DHRSX: variants seen among roughly 807,000 people sequenced by gnomAD.
The protein encoded by DHRSX is dehydrogenase/reductase X-linked.
In DHRSX, 31 loss-of-function variants were observed where a neutral mutation model predicts 34.0. That is an observed-to-expected ratio of 0.91 (90% CI 0.69 to 1.23). The LOEUF (loss-of-function observed/expected upper bound fraction) is 1.23. Among genes scored for constraint, DHRSX ranks in the 50% most tolerant of loss-of-function variants. The pLI, the probability that DHRSX is intolerant of heterozygous loss-of-function variation, is 0.00. For missense variants in DHRSX, 414 were observed against 428.1 expected, an observed-to-expected ratio of 0.97 and a Z score of 0.29; for synonymous variants, 201 against 183.8, an observed-to-expected ratio of 1.09 and a Z score of -0.76.
At chrX:2,443,687 T>G (rs2044090735) in intron 1 of DHRSX, among the ~76,000 whole-genome samples, 2 of 151,744 alleles carry the variant, frequency 1.3e-5, no homozygotes. Context: ...GAATAACTCG[T>G]GTGAGAGAAG....
At chrX:2,343,367 C>T (rs2042663588) in intron 3 of DHRSX, among the ~76,000 whole-genome samples, 1 of 151,466 alleles carries the variant, frequency 6.6e-6, no homozygotes, top group Admixed American at 6.6e-5. Flanking sequence ...GTAGAGCACG[C>T]TTGACATAAG....
At chrX:2,444,634 G>A (rs1450892827) in intron 1 of DHRSX, among the ~76,000 whole-genome samples, 1 of 151,970 alleles carries the variant, frequency 6.6e-6, no homozygotes, top group African/African-American at 2.4e-5. Context: ...AGTTCCAGAC[G>A]AACCTGGGAA....
chrX:2,353,137 C>G (rs928761512), intron 3 of DHRSX, among the ~76,000 whole-genome samples: 1 of 152,032 alleles, frequency 6.6e-6, no homozygotes, highest in African/African-American at 2.4e-5. Flanking sequence ...CGTAGCTACT[C>G]GAGAGACTGA....
intron 1 of DHRSX, among the ~76,000 whole-genome samples, chrX:2,461,686 C>T (rs1009689519): frequency 3.3e-5 from 5 of 152,136 alleles, no homozygotes; most frequent in African/African-American, 9.7e-5. Context: ...TGACCACACA[C>T]GCGTGGCACC....
chrX:2,394,070 C>T (rs1471787277), intron 3 of DHRSX, among the ~76,000 whole-genome samples: 1 of 152,186 alleles, frequency 6.6e-6, no homozygotes, highest in African/African-American at 2.4e-5. Flanking sequence ...AGAAGCTTGG[C>T]TGTGGGCAAG....
chrX:2,327,317 A>C (rs1270439074), intron 3 of DHRSX, among the ~76,000 whole-genome samples: 1 of 152,184 alleles, frequency 6.6e-6, no homozygotes, highest in Non-Finnish European at 1.5e-5. Context: ...GACTGTGGAC[A>C]TGCTCTCTGT....
intron 3 of DHRSX, among the ~76,000 whole-genome samples, chrX:2,312,057 G>C (rs1171196058): frequency 6.6e-6 from 1 of 151,962 alleles, no homozygotes; most frequent in Non-Finnish European, 1.5e-5. Context: ...CACCCATGCT[G>C]CAAGCACTGT....
intron 1 of DHRSX, among the ~76,000 whole-genome samples, chrX:2,460,949 T>C (rs1406529182): frequency 1.3e-5 from 2 of 151,930 alleles, no homozygotes; most frequent in African/African-American, 4.8e-5. Context: ...AAACTCCTGG[T>C]CTCAAAAATC....
intron 3 of DHRSX, among the ~76,000 whole-genome samples, chrX:2,382,268 C>A (rs1436533827): frequency 2.6e-5 from 4 of 152,092 alleles, no homozygotes; most frequent in African/African-American, 9.7e-5. Context: ...GGAAGGAGGG[C>A]AGAGTTGAGG....
intron 3 of DHRSX, among the ~76,000 whole-genome samples, chrX:2,327,249 C>T (rs1458227719): frequency 7.9e-5 from 12 of 152,222 alleles, no homozygotes; most frequent in Non-Finnish European, 1.6e-4. Context: ...GAAGAAGAGT[C>T]TCCCTGAATG....
chrX:2,254,020 C>T (rs2016503396), intron 5 of DHRSX, among the ~76,000 whole-genome samples: 1 of 151,404 alleles, frequency 6.6e-6, no homozygotes, highest in South Asian at 2.1e-4. Flanking sequence ...GAGATCACAC[C>T]CTGCACTCCA....
intron 3 of DHRSX, among the ~76,000 whole-genome samples, chrX:2,331,695 C>G (rs1210642811): frequency 6.6e-6 from 1 of 152,006 alleles, no homozygotes; most frequent in African/African-American, 2.4e-5. Context: ...GGTGATCCAC[C>G]TGCCTTGGCC....
At chrX:2,361,170 G>C (rs1272732829) in intron 3 of DHRSX, among the ~76,000 whole-genome samples, 2 of 152,110 alleles carry the variant, frequency 1.3e-5, no homozygotes, top group Non-Finnish European at 2.9e-5. Flanking sequence ...GAGTGCAGTG[G>C]TGCGATCTCG....
chrX:2,398,694 G>T (rs2043444696), intron 3 of DHRSX, among the ~76,000 whole-genome samples: 1 of 143,118 alleles, frequency 7.0e-6, no homozygotes, highest in Non-Finnish European at 1.5e-5. Flanking sequence ...TTTTGAGATG[G>T]ACTCTCGCTG....
chrX:2,465,898 G>A (rs1004849031), intron 1 of DHRSX, among the ~76,000 whole-genome samples: 8 of 151,544 alleles, frequency 5.3e-5, no homozygotes, highest in African/African-American at 1.5e-4. Flanking sequence ...AGGGCATCAC[G>A]CACCCCAAAA....
At chrX:2,270,798 T>C (rs1455914953) in intron 4 of DHRSX, among the ~76,000 whole-genome samples, 2 of 152,144 alleles carry the variant, frequency 1.3e-5, no homozygotes, top group Non-Finnish European at 2.9e-5. Context: ...AGCTAAAGAA[T>C]TGTAAAGGCA....
intron 3 of DHRSX, among the ~76,000 whole-genome samples, chrX:2,360,380 C>T (rs1444992619): frequency 1.4e-4 from 22 of 152,090 alleles, no homozygotes; most frequent in Admixed American, 3.3e-4. Flanking sequence ...GGCAGGAGTT[C>T]AAGACCAGCC....
At chrX:2,475,772 A>T (rs763389005) in intron 1 of DHRSX, among the ~76,000 whole-genome samples, 1 of 152,264 alleles carries the variant, frequency 6.6e-6, no homozygotes, top group Admixed American at 6.5e-5. Context: ...TCCCTAATAC[A>T]AAAGCTAAGA....
At chrX:2,455,760 A>T (rs1366800975) in intron 1 of DHRSX, among the ~76,000 whole-genome samples, 5 of 151,420 alleles carry the variant, frequency 3.3e-5, no homozygotes, top group African/African-American at 1.2e-4. Flanking sequence ...AAAAAAAAAA[A>T]ACAATAAAAA....
Sources: allele counts gnomAD v4.1 joint callset (sites outside exome capture counted in the v4.1 genomes callset), GRCh38; gene constraint gnomAD v4.1.1; transcripts MANE v1.5; gene names NCBI Gene and HGNC (gene_info 2026-07-23, HGNC 2026-07-21).